GNA12: variants seen among roughly 807,000 people sequenced by gnomAD.
GNA12 encodes the protein G protein subunit alpha 12, also known as guanine nucleotide-binding protein subunit alpha-12.
In GNA12, 9 loss-of-function variants were observed where a neutral mutation model predicts 26.0. That is an observed-to-expected ratio of 0.35 (90% CI 0.21 to 0.60). GNA12 has a LOEUF of 0.60. Among genes scored for constraint, GNA12 ranks in the 20% least tolerant of loss-of-function variants. The pLI is 0.78. For missense variants in GNA12, 405 were observed against 525.8 expected (o/e 0.77, Z 2.25); for synonymous variants, 264 against 219.6 (o/e 1.20, Z -1.79).
At chr7:2,816,643 T>C (rs73051435) in intron 1 of GNA12, among the ~76,000 whole-genome samples, 2,625 of 152,284 alleles carry the variant, frequency 0.017, 26 homozygotes, top group Non-Finnish European at 0.026. Flanking sequence ...AGAACACAAA[T>C]TGAATAATTA....
intron 1 of GNA12, among the ~76,000 whole-genome samples, chr7:2,816,670 G>T: frequency 6.6e-6 from 1 of 152,176 alleles, no homozygotes; most frequent in East Asian, 1.9e-4. Flanking sequence ...TCATGCCAGG[G>T]TTTCCTCGGT....
Position 2,843,948 on chromosome 7 carries a change from TG to T in GNA12, c.213del (p.Thr72ArgfsTer60). 6.3e-7 allele frequency: 1 copy of T among 1,592,156 alleles called. No homozygotes were observed. On this transcript the variant is annotated frameshift_variant, in exon 1 of 4. Transcript: ENST00000275364. LOFTEE classifies it high-confidence loss of function. ...ATGATGCGCATCTGCTTGAGGAACG[TG>T]GACTTGCCGCTCTCGCCCGCGCCCA... ...LLLGAGESGK[S>X]TFLKQMRIIH...
intron 2 of GNA12, 163 bp downstream of exon 2, chr7:2,794,765 T>A (rs1047972234): frequency 4.8e-6 from 3 of 621,382 alleles, no homozygotes; most frequent in African/African-American, 1.8e-5. Flanking sequence ...TTATATAGCA[T>A]CTGCCTCCAT....
intron 2 of GNA12, among the ~76,000 whole-genome samples, chr7:2,793,372 G>A (rs1792570018): frequency 6.6e-6 from 1 of 152,028 alleles, no homozygotes; most frequent in South Asian, 2.1e-4. Flanking sequence ...AGGAAAGGTG[G>A]GTCACATTCA....
intron 2 of GNA12, among the ~76,000 whole-genome samples, chr7:2,747,039 C>G (rs1583228795): frequency 6.6e-6 from 1 of 152,038 alleles, no homozygotes; most frequent in African/African-American, 2.4e-5. Context: ...AGCTTACCAA[C>G]CAAAAAAAGT....
intron 2 of GNA12, among the ~76,000 whole-genome samples, chr7:2,780,510 T>G (rs1353634112): frequency 1.3e-5 from 2 of 152,204 alleles, no homozygotes; most frequent in African/African-American, 4.8e-5. Flanking sequence ...ACACTCGCTC[T>G]GTCTTCTAGA....
At chr7:2,737,842 T>C (rs1258620561) in intron 2 of GNA12, among the ~76,000 whole-genome samples, 1 of 152,214 alleles carries the variant, frequency 6.6e-6, no homozygotes, top group Non-Finnish European at 1.5e-5. Context: ...TAGCATTTGA[T>C]TTCCACTGAA....
intron 1 of GNA12, among the ~76,000 whole-genome samples, chr7:2,838,477 G>C (rs995234471): frequency 1.3e-5 from 2 of 152,120 alleles, no homozygotes; most frequent in Non-Finnish European, 2.9e-5. Flanking sequence ...CCGGCTACTA[G>C]GGAGGCTGAG....
At chr7:2,792,408 C>T (rs1453383774) in intron 2 of GNA12, among the ~76,000 whole-genome samples, 13 of 152,192 alleles carry the variant, frequency 8.5e-5, no homozygotes, top group Admixed American at 8.5e-4. Flanking sequence ...AGGTCCCTTC[C>T]AGCACTGACA....
intron 1 of GNA12, among the ~76,000 whole-genome samples, chr7:2,842,171 G>A (rs1001369272): frequency 6.9e-6 from 1 of 145,552 alleles, no homozygotes; most frequent in Non-Finnish European, 1.5e-5. Flanking sequence ...AGGAAAAAGG[G>A]AGGGAGGACA....
chr7:2,785,687 G>C (rs1173688920), intron 2 of GNA12, among the ~76,000 whole-genome samples: 1 of 146,318 alleles, frequency 6.8e-6, no homozygotes, highest in African/African-American at 2.7e-5. Flanking sequence ...TAAGTGTATT[G>C]TGTATGTGCA....
chr7:2,834,951 C>G (rs1562450917), intron 1 of GNA12, among the ~76,000 whole-genome samples: 1 of 152,148 alleles, frequency 6.6e-6, no homozygotes, highest in Non-Finnish European at 1.5e-5. Flanking sequence ...CAATGCGTGA[C>G]TATGCATCGC....
Position 2,780,093 on chromosome 7 carries a change from T to TATATATATATATATAA in GNA12, c.525+14834_525+14835insTTATATATATATATAT, listed in dbSNP as rs57390413. On this transcript the variant is annotated intron_variant, in intron 2 of 3. Coordinates refer to ENST00000275364, the MANE Select transcript of GNA12 (RefSeq NM_007353.3). Reference sequence around the variant, plus strand: ...ATATATATATATATATATATATATATGCCTGTTTTCCCTTCTAAACAGAAA... The same window carrying TATATATATATATATAA: ...ATATATATATATATATATATATATATATATATATATATATAAGCCTGTTTTCCCTTCTAAACAGAAA... 5.4e-5 allele frequency among the ~76,000 whole-genome samples: 7 copies of TATATATATATATATAA among 130,136 alleles called. 1 individual carries two copies. The highest frequency in any genetic ancestry group is 2.1e-4 in the African/African-American group (7 of 33,264). The allele number at this position is 130,136 out of a possible 152,430, so 85.4% of individuals were successfully genotyped here.
chr7:2,830,933 C>G (rs1382158205), intron 1 of GNA12, among the ~76,000 whole-genome samples: 3 of 150,144 alleles, frequency 2.0e-5, no homozygotes, highest in African/African-American at 7.3e-5. Context: ...AGAGCAAGAC[C>G]CTGTCTCAAA....
In GNA12 at chr7:2,737,253, GCTAT is replaced by G. The variant is rs569122765; in HGVS notation, c.526-3756_526-3753del. Among the ~76,000 whole-genome samples, 785 of 137,568 alleles carry G rather than the reference GCTAT, an allele frequency of 5.7e-3. 3 individuals are homozygous for G. Among genetic ancestry groups the G allele is most frequent in the Non-Finnish European group, 9.8e-3 (633 of 64,428 alleles). The allele number at this position is 137,568 out of a possible 152,430, so 90.2% of individuals were successfully genotyped here. A position where few individuals can be genotyped will look rare whatever the true frequency, so the allele number is the denominator to read the frequency against. On this transcript the variant is annotated intron_variant, in intron 2 of 3. Transcript: ENST00000275364. ...TTAAACCCTATCTGCCCATTCAGGA[GCTAT>G]CTCACAGTTTTGTTTTGTTTTTTTT...
intron 2 of GNA12, among the ~76,000 whole-genome samples, chr7:2,741,365 C>A (rs898953094): frequency 2.0e-5 from 3 of 152,052 alleles, no homozygotes; most frequent in African/African-American, 7.2e-5. Flanking sequence ...TTAAAAAAAA[C>A]CCAAAAACCT....
At chr7:2,737,263 AGTTTT>A (rs569069278) in intron 2 of GNA12, among the ~76,000 whole-genome samples, 2 of 79,572 alleles carry the variant, frequency 2.5e-5, no homozygotes, top group Admixed American at 1.4e-4. Flanking sequence ...GCTATCTCAC[AGTTTT>A]GTTTTGTTTT....
At chr7:2,800,429 G>A (rs1792781380) in intron 1 of GNA12, among the ~76,000 whole-genome samples, 1 of 152,126 alleles carries the variant, frequency 6.6e-6, no homozygotes, top group Non-Finnish European at 1.5e-5. Context: ...GTGAGGAAAG[G>A]GCGCACAACC....
Position 2,772,669 on chromosome 7 carries a change from G to C in GNA12, c.525+22259C>G, listed in dbSNP as rs373725013. On this transcript the variant is annotated intron_variant, in intron 2 of 3. Transcript: ENST00000275364. ...CCCACCAGGAGGCTTAAAATCAAGA[G>C]GACAATGCCAAGTGTTGGTTAGAAC... Among the ~76,000 whole-genome samples, 5 of 152,174 alleles carry C rather than the reference G, an allele frequency of 3.3e-5. No individual in the cohort carries two copies. The East Asian group carries it at 5.8e-4, about 18-fold the overall frequency.
Sources: allele counts gnomAD v4.1 joint callset (sites outside exome capture counted in the v4.1 genomes callset), GRCh38; gene constraint gnomAD v4.1.1; transcripts MANE v1.5; gene names NCBI Gene and HGNC (gene_info 2026-07-23, HGNC 2026-07-21).